ABCC9: variants seen among roughly 807,000 people sequenced by gnomAD.
The protein encoded by ABCC9 is ATP-binding cassette sub-family C member 9.
ABCC9 carries 95 observed loss-of-function variants against 188.3 expected under a neutral mutation model. That is an observed-to-expected ratio of 0.50 (90% CI 0.43 to 0.60). The LOEUF (loss-of-function observed/expected upper bound fraction) is 0.60, where lower values mean the gene tolerates loss of function less well. Among genes scored for constraint, ABCC9 ranks in the 20% least tolerant of loss-of-function variants. The probability of loss-of-function intolerance (pLI) is 0.00; values close to 1 mark genes in which losing one functional copy is unlikely to be tolerated. For synonymous variants in ABCC9, 659 were observed against 652.7 expected, an observed-to-expected ratio of 1.01 and a Z score of -0.15; for missense variants, 1,102 against 1,876.3, an observed-to-expected ratio of 0.59 and a Z score of 7.62.
At chr12:21,894,879 G>C (rs1437218927) in intron 13 of ABCC9, among the ~76,000 whole-genome samples, 1 of 152,188 alleles carries the variant, frequency 6.6e-6, no homozygotes, top group Non-Finnish European at 1.5e-5. Context: ...GCTCCATCTT[G>C]TTGTAAGAGT....
At chr12:21,860,293 T>C (rs1945439807) in intron 21 of ABCC9, among the ~76,000 whole-genome samples, 1 of 152,190 alleles carries the variant, frequency 6.6e-6, no homozygotes, top group Non-Finnish European at 1.5e-5. Context: ...AGAACAGCCA[T>C]TAAGAACAAA....
chr12:21,923,745 G>A, intron 5 of ABCC9: 1 of 652,562 alleles, frequency 1.5e-6, no homozygotes, highest in Non-Finnish European at 2.7e-6. Context: ...CCCACTTATT[G>A]TATGACCCAG....
chr12:21,933,253 T>A (rs1392621823), intron 4 of ABCC9, among the ~76,000 whole-genome samples: 1 of 151,692 alleles, frequency 6.6e-6, no homozygotes, highest in Non-Finnish European at 1.5e-5. Flanking sequence ...AGGGAGAGGA[T>A]CAGGAAAAAC....
At chr12:21,906,665 G>T (rs577160642) in intron 11 of ABCC9, among the ~76,000 whole-genome samples, 6 of 152,134 alleles carry the variant, frequency 3.9e-5, no homozygotes, top group African/African-American at 1.4e-4. Flanking sequence ...AATTTCTTCT[G>T]CAGTCAGCTC....
chr12:21,828,466 G>A (rs1379351192), intron 31 of ABCC9: 3 of 206,898 alleles, frequency 1.4e-5, no homozygotes, highest in East Asian at 2.4e-4. Context: ...GACCAAGTCT[G>A]TGTGATGCCA....
chr12:21,876,573 C>T (rs1243093009), intron 16 of ABCC9, among the ~76,000 whole-genome samples: 2 of 152,124 alleles, frequency 1.3e-5, no homozygotes, highest in Admixed American at 1.3e-4. Context: ...AATCACAATA[C>T]CTTCTATTCA....
chr12:21,905,414 T>TA (rs546862783), intron 12 of ABCC9, among the ~76,000 whole-genome samples: 368 of 144,972 alleles, frequency 2.5e-3, no homozygotes, highest in African/African-American at 6.7e-3. Flanking sequence ...AAAGTATAAT[T>TA]AAAAAAAAAA....
chr12:21,890,697 A>ATTCTCAGCAAACTATCG (rs954946979), intron 14 of ABCC9, among the ~76,000 whole-genome samples: 2 of 152,100 alleles, frequency 1.3e-5, no homozygotes, highest in Admixed American at 6.6e-5. Context: ...GGAAACCATC[A>ATTCTCAGCAAACTATCG]TTCTCAGCAA....
chr12:21,938,635 T>G (rs1460638974), intron 2 of ABCC9, among the ~76,000 whole-genome samples: 1 of 152,216 alleles, frequency 6.6e-6, no homozygotes, highest in Non-Finnish European at 1.5e-5. Flanking sequence ...TAGAAAATGA[T>G]TTTTACTTTA....
intron 22 of ABCC9, among the ~76,000 whole-genome samples, chr12:21,857,152 T>A (rs566597548): frequency 2.0e-5 from 3 of 152,328 alleles, no homozygotes; most frequent in African/African-American, 7.2e-5. Context: ...ACCAAGATCA[T>A]AAGACCCAAG....
chr12:21,912,876 GT>G lies in ABCC9; in HGVS notation c.1006del (p.Thr336LeufsTer19). ...TGAAAATCACCAGGAACTTACTCCA[GT>G]TGTGTTATTTGTCCCATTCTGGGTT... ...NETQNGTNNT[T>X]GISETLSSKE... On this transcript the variant is annotated frameshift_variant, in exon 8 of 40. Coordinates refer to ENST00000261200, the MANE Select transcript of ABCC9 (RefSeq NM_020297.4). LOFTEE classifies it high-confidence loss of function. The G allele has an allele frequency of 6.2e-7, 1 of 1,613,064 alleles. No individual in the cohort carries two copies. Among genetic ancestry groups the G allele is most frequent in the Non-Finnish European group, 8.5e-7 (1 of 1,179,296 alleles).
chr12:21,861,207 A>G (rs1251447478), intron 20 of ABCC9, 152 bp from the exon 21 acceptor site: 2 of 699,108 alleles, frequency 2.9e-6, no homozygotes, highest in African/African-American at 1.8e-5. Flanking sequence ...GGATACAAAG[A>G]TACATAAGTA....
In ABCC9 at chr12:21,817,275, G is replaced by C; in HGVS notation, c.3804C>G (p.Asn1268Lys). ...CCATCTGGACCTCCAGGTCAGCCAA[G>C]TTCCTCACAACCCAATTCAAATAAT... ...ITNYLNWVVRNLADLEVQMGA... is the reference protein window; with the variant it reads ...ITNYLNWVVRKLADLEVQMGA... The change falls in exon 33 of 40, where the codon AAC becomes AAG. Residue 1268 changes from asparagine (N) to lysine (K), a missense_variant. Around this residue, in one of 12 missense-constraint regions of ABCC9, gnomAD observed 143 missense variants for 225.6 expected, o/e 0.63. Transcript: ENST00000261200. The C allele has an allele frequency of 6.2e-7, 1 of 1,613,780 alleles. No individual in the cohort carries two copies. The highest frequency in any genetic ancestry group is 8.5e-7 in the Non-Finnish European group (1 of 1,179,832).
chr12:21,927,688 C>T (rs1333938810), intron 4 of ABCC9, among the ~76,000 whole-genome samples: 2 of 151,886 alleles, frequency 1.3e-5, no homozygotes, highest in East Asian at 3.9e-4. Context: ...GTGAAGGTGT[C>T]CAATAAGCAT....
chr12:21,882,252 A>G (rs1946663059), intron 16 of ABCC9, among the ~76,000 whole-genome samples: 1 of 151,622 alleles, frequency 6.6e-6, no homozygotes, highest in South Asian at 2.1e-4. Context: ...ACTCCCTTTT[A>G]TCCCCAACTC....
At chr12:21,893,288 G>T (rs1947258400) in intron 14 of ABCC9, among the ~76,000 whole-genome samples, 1 of 152,134 alleles carries the variant, frequency 6.6e-6, no homozygotes, top group African/African-American at 2.4e-5. Flanking sequence ...ATATTTAAAT[G>T]AGCAAAATAC....
At chr12:21,864,551 A>G (rs1764128982) in intron 18 of ABCC9, 74 bp from the exon 19 acceptor site, 1 of 1,043,112 alleles carries the variant, frequency 9.6e-7, no homozygotes, top group African/African-American at 1.6e-5. Context: ...ACGTCAGGTA[A>G]GAGATACAAT....
At chr12:21,842,969 T>TA (rs1944468521) in intron 28 of ABCC9, among the ~76,000 whole-genome samples, 1 of 152,298 alleles carries the variant, frequency 6.6e-6, no homozygotes, top group Non-Finnish European at 1.5e-5. Context: ...TATGTTTATT[T>TA]AAAAAATATT....
chr12:21,805,425 GC>G, intron 39 of ABCC9: 1 of 1,007,940 alleles, frequency 9.9e-7, no homozygotes, highest in Non-Finnish European at 1.5e-6. Context: ...GAATCCACTT[GC>G]AAAGAGGAAA....
Sources: allele counts gnomAD v4.1 joint callset (sites outside exome capture counted in the v4.1 genomes callset), GRCh38; gene constraint gnomAD v4.1.1; regional missense constraint gnomAD v4.1.1; transcripts MANE v1.5; gene names NCBI Gene and HGNC (gene_info 2026-07-23, HGNC 2026-07-21).